Variants in PDE1A observed in about 807,000 individuals in gnomAD.
The protein encoded by PDE1A is dual specificity calcium/calmodulin-dependent 3',5'-cyclic nucleotide phosphodiesterase 1A.
A neutral mutation model predicts 61.7 loss-of-function variants in PDE1A; 35 were observed. The observed-to-expected ratio is 0.57, with a 90% CI of 0.43 to 0.75. PDE1A has a LOEUF of 0.75. PDE1A is among the 30% of genes least tolerant of loss of function. PDE1A has a pLI of 0.00. For missense variants in PDE1A, 597 were observed against 630.6 expected (o/e 0.95, Z 0.57); for synonymous variants, 232 against 213.2 (o/e 1.09, Z -0.77).
At chr2:182,384,834 C>G (rs1270271093) in intron 1 of PDE1A, among the ~76,000 whole-genome samples, 1 of 152,024 alleles carries the variant, frequency 6.6e-6, no homozygotes, top group African/African-American at 2.4e-5. Flanking sequence ...TATCTCCAAT[C>G]AAATTCAATT....
chr2:182,643,754 A>C, the PDE1A span, among the ~76,000 whole-genome samples: 1 of 152,190 alleles, frequency 6.6e-6, no homozygotes, highest in South Asian at 2.1e-4. Flanking sequence ...CTACAATAAC[A>C]AAAAGAGAGA....
In PDE1A at chr2:182,168,136, T is replaced by A. The variant is rs372928845; in HGVS notation, c.*111A>T. 175 of 1,454,576 alleles carry A rather than the reference T, an allele frequency of 1.2e-4. 3 individuals carry two copies. In the African/African-American group the frequency reaches 2.4e-3, roughly 20 times the overall value. The allele number at this position is 1,454,576 out of a possible 1,614,324, so 90.1% of individuals were successfully genotyped here. On this transcript the variant is annotated 3_prime_UTR_variant, in exon 14 of 14. Transcript: ENST00000351439. ...TTATTGAGCAATCTGCAAAAATAGA[T>A]TTCCTGTCTCACACAGGACAGGGTA...
intron 1 of PDE1A, among the ~76,000 whole-genome samples, chr2:182,360,748 G>A (rs1699456957): frequency 6.6e-6 from 1 of 151,528 alleles, no homozygotes; most frequent in Non-Finnish European, 1.5e-5. Flanking sequence ...TGGTGGAAGG[G>A]GCCCATGAAG....
At chr2:182,429,579 C>T (rs1399226067), upstream of PDE1A, among the ~76,000 whole-genome samples, 1 of 152,038 alleles carries the variant, frequency 6.6e-6, no homozygotes, top group Non-Finnish European at 1.5e-5. Flanking sequence ...TGTTAGAAAT[C>T]GTCCTAACTG....
At chr2:182,508,918 T>C (rs1409587474) in intron 2 of PDE1A, among the ~76,000 whole-genome samples, 1 of 151,126 alleles carries the variant, frequency 6.6e-6, no homozygotes, top group Non-Finnish European at 1.5e-5. Context: ...CACTAACTCG[T>C]CATCTAGCAT....
downstream of PDE1A, chr2:182,147,000 T>C (rs543693835): frequency 7.7e-6 from 7 of 914,356 alleles, no homozygotes; most frequent in Middle Eastern, 2.3e-4. Context: ...CCATTTACTT[T>C]AGAAGTTAAG....
intron 13 of PDE1A, among the ~76,000 whole-genome samples, chr2:182,161,415 T>C (rs1007100840): frequency 1.4e-5 from 2 of 144,658 alleles, no homozygotes; most frequent in Admixed American, 7.0e-5. Flanking sequence ...ATGGGGGGCA[T>C]TGAGCTCGTA....
chr2:182,230,929 G>C, intron 5 of PDE1A, 86 bp downstream of exon 5: 2 of 710,910 alleles, frequency 2.8e-6, no homozygotes. Context: ...AAAATGAATT[G>C]CTTAATTACT....
At chr2:182,665,466 A>C in the PDE1A span, among the ~76,000 whole-genome samples, 1 of 152,184 alleles carries the variant, frequency 6.6e-6, no homozygotes, top group Admixed American at 6.5e-5. Context: ...TATGAAAAAA[A>C]ATTTGACATC....
At chr2:182,628,670 GT>G in the PDE1A span, among the ~76,000 whole-genome samples, 11 of 151,076 alleles carry the variant, frequency 7.3e-5, no homozygotes, top group South Asian at 2.1e-4. Context: ...CTTAATGTCT[GT>G]TTTTTTTTAA....
chr2:182,653,117 C>T, the PDE1A span, among the ~76,000 whole-genome samples: 5 of 152,114 alleles, frequency 3.3e-5, no homozygotes, highest in East Asian at 3.9e-4. Flanking sequence ...GAATCACTTT[C>T]GACCCTTTTG....
chr2:182,238,194 G>A (rs987208747), intron 3 of PDE1A, among the ~76,000 whole-genome samples: 17 of 148,704 alleles, frequency 1.1e-4, no homozygotes, highest in Admixed American at 9.6e-4. Context: ...ACTTGAACCC[G>A]GGAGGCGGAG....
Position 182,201,577 on chromosome 2 carries a change from T to C in PDE1A, c.1005-18A>G. ...TGTCAATCCTGTCAAACCAAGGACA[T>C]GCTTATATTATTCAAAACAAAGGAA... On this transcript the variant is annotated intron_variant, in intron 9 of 13. Coordinates refer to ENST00000351439, the Ensembl canonical transcript of PDE1A. 6.2e-7 allele frequency: 1 copy of C among 1,609,924 alleles called. No individual in the cohort carries two copies. Among genetic ancestry groups the C allele is most frequent in the Non-Finnish European group, 8.5e-7 (1 of 1,179,234 alleles).
At chr2:182,589,272 GAA>G in the PDE1A span, among the ~76,000 whole-genome samples, 80 of 46,560 alleles carry the variant, frequency 1.7e-3, no homozygotes, top group East Asian at 3.2e-3. Flanking sequence ...AGGGAGGGAG[GAA>G]GGAAGGAAGG....
intron 7 of PDE1A, among the ~76,000 whole-genome samples, chr2:182,208,138 G>A (rs1455132719): frequency 6.6e-6 from 1 of 152,148 alleles, no homozygotes; most frequent in East Asian, 1.9e-4. Context: ...TCCTCACTGG[G>A]GCACTGCCTA....
the PDE1A span, among the ~76,000 whole-genome samples, chr2:182,568,094 C>T: frequency 9.1e-4 from 139 of 152,122 alleles, no homozygotes; most frequent in African/African-American, 3.1e-3. Context: ...TCACTGCGCC[C>T]GCGCCCGGCA....
chr2:182,534,866 C>A, the PDE1A span, among the ~76,000 whole-genome samples: 6 of 151,834 alleles, frequency 4.0e-5, no homozygotes, highest in Admixed American at 6.6e-5. Flanking sequence ...AAGTCAATAT[C>A]CAACACGTAT....
At position 182,474,650 on chromosome 2, in the gene PDE1A, C is replaced by G. The variant is rs1243188615; in HGVS notation, c.101+47626G>C. Among the ~76,000 whole-genome samples the G allele has an allele frequency of 2.0e-5, 3 of 151,852 alleles. No homozygotes were observed. The East Asian group carries it at 5.8e-4, about 29-fold the overall frequency. ...AGGTCAGTCCTCTTGATGATATATA[C>G]AAGTTCTATCAGGTTACTGCTTTTC... On this transcript the variant is annotated intron_variant, in intron 2 of 14. Coordinates refer to the PDE1A transcript ENST00000410103.
intron 1 of PDE1A, among the ~76,000 whole-genome samples, chr2:182,409,580 G>A (rs1385006831): frequency 6.6e-6 from 1 of 152,138 alleles, no homozygotes; most frequent in Non-Finnish European, 1.5e-5. Flanking sequence ...CTTCAAACAA[G>A]TTACAGGTGC....
Sources: gnomAD v4.1 joint callset for allele counts (sites outside exome capture counted in the v4.1 genomes callset) on GRCh38, gnomAD v4.1.1 for gene constraint, MANE v1.5 for transcripts, NCBI Gene and HGNC (gene_info 2026-07-23, HGNC 2026-07-21) for gene names.